Variants in FAM135A observed in about 807,000 individuals in gnomAD.
The protein encoded by FAM135A is family with sequence similarity 135 member A.
In FAM135A, 79 loss-of-function variants were observed where a neutral mutation model predicts 146.8. The observed-to-expected ratio is 0.54, with a 90% CI of 0.45 to 0.65. The LOEUF is 0.65. FAM135A is among the 30% of genes least tolerant of loss of function. The probability of loss-of-function intolerance (pLI) is 0.00; values close to 1 mark genes in which losing one functional copy is unlikely to be tolerated. For missense variants in FAM135A, 1,623 were observed against 1,758.2 expected, an observed-to-expected ratio of 0.92 and a Z score of 1.38; for synonymous variants, 562 against 603.6, an observed-to-expected ratio of 0.93 and a Z score of 1.01.
chr6:70,533,191 T>C lies in FAM135A; in HGVS notation c.3807T>C (p.Thr1269=). The change falls in exon 17 of 22, where the codon ACT becomes ACC. Residue 1269 remains threonine (T), a synonymous_variant. Transcript: ENST00000418814. The part of the protein sequence containing the change: ...GNSADLRLVK[T]YIELGLPGGR... ...GTGCAGATCTCCGATTAGTAAAAAC[T>C]TACATTGAACTTGGATTGCCTGGGG... The C allele has an allele frequency of 6.2e-7, 1 of 1,613,094 alleles. No individual in the cohort carries two copies. The highest frequency in any genetic ancestry group is 8.5e-7 in the Non-Finnish European group (1 of 1,179,522).
At chr6:70,523,450 A>C (rs1233986962) in intron 13 of FAM135A, among the ~76,000 whole-genome samples, 1 of 152,142 alleles carries the variant, frequency 6.6e-6, no homozygotes, top group Non-Finnish European at 1.5e-5. Flanking sequence ...GATTTGTTTG[A>C]AATTTTCCAT....
Position 70,524,601 on chromosome 6 carries a change from C to G in FAM135A, c.1517C>G (p.Thr506Arg). The G allele has an allele frequency of 6.5e-7, 1 of 1,541,812 alleles. No individual in the cohort carries two copies. The highest frequency in any genetic ancestry group is 8.7e-7 in the Non-Finnish European group (1 of 1,144,498). The change falls in exon 15 of 22, where the codon ACA (threonine) becomes AGA (arginine). Residue 506 changes from threonine to arginine, a missense_variant. Around this residue, in one of 7 missense-constraint regions of FAM135A, gnomAD observed 1,061 missense variants for 1,113.8 expected, o/e 0.95. Coordinates refer to ENST00000418814, the MANE Select transcript of FAM135A (RefSeq NM_001162529.3). The part of the protein sequence containing the change: ...KLMKTMKSEN[T>R]KKLIKQNSKD... The stretch of plus-strand genomic sequence containing the variant: ...ATGAAAACAATGAAATCTGAAAACA[C>G]AAAAAAATTAATAAAACAGAACTCT...
chr6:70,533,494 G>A (rs189828382), intron 17 of FAM135A, among the ~76,000 whole-genome samples: 4 of 152,024 alleles, frequency 2.6e-5, no homozygotes, highest in African/African-American at 9.6e-5. Context: ...TTAAACCATT[G>A]TAAACATCTT....
intron 11 of FAM135A, among the ~76,000 whole-genome samples, chr6:70,495,804 C>T (rs1341615786): frequency 6.6e-6 from 1 of 152,098 alleles, no homozygotes; most frequent in Non-Finnish European, 1.5e-5. Flanking sequence ...CACCCCCTGA[C>T]AGGCCCTGGT....
chr6:70,436,633 G>A (rs16869221), intron 4 of FAM135A, among the ~76,000 whole-genome samples: 7,034 of 152,214 alleles, frequency 0.046, 357 homozygotes, highest in African/African-American at 0.11. Context: ...AAACAGTTGT[G>A]AAAATCATAA....
chr6:70,484,097 C>T (rs17713105), intron 10 of FAM135A, among the ~76,000 whole-genome samples: 19,838 of 152,164 alleles, frequency 0.13, 1,537 homozygotes, highest in Middle Eastern at 0.19. Flanking sequence ...TTAATGAGCA[C>T]CTCCTGTGTC....
At chr6:70,452,456 T>C (rs537609415) in intron 4 of FAM135A, 36 bp from the exon 5 acceptor site, 2 of 1,492,334 alleles carry the variant, frequency 1.3e-6, no homozygotes, top group African/African-American at 1.4e-5. Context: ...TTTTTAAATA[T>C]GTTTTGAAAT....
At chr6:70,552,802 G>A (rs1487409315) in intron 20 of FAM135A, among the ~76,000 whole-genome samples, 2 of 151,794 alleles carry the variant, frequency 1.3e-5, no homozygotes, top group Non-Finnish European at 2.9e-5. Flanking sequence ...AAAAGGGTAG[G>A]GAGAGAGAGA....
chr6:70,520,071 T>G (rs1406110966), intron 12 of FAM135A, among the ~76,000 whole-genome samples: 3 of 152,152 alleles, frequency 2.0e-5, no homozygotes, highest in African/African-American at 7.2e-5. Flanking sequence ...ATAGGGGAAT[T>G]CTAGGCTTTT....
At chr6:70,467,085 A>T (rs1416304524) in intron 5 of FAM135A, among the ~76,000 whole-genome samples, 2 of 152,106 alleles carry the variant, frequency 1.3e-5, no homozygotes, top group Admixed American at 6.5e-5. Context: ...TAAATAGTTA[A>T]CTTGTTGAGA....
In FAM135A at chr6:70,502,744, C is replaced by T; in HGVS notation, c.982C>T (p.His328Tyr). ...WGQFLEVITL[H>Y]EELRILLAQE... is the part of the protein sequence containing the mutation. ...ACAGTTTCTGGAAGTTATAACGCTA[C>T]ACGAAGAACTAAGAATATTATTAGC... Residue 328 changes from histidine (H) to tyrosine (Y), a missense_variant, in exon 12 of 22, where the codon CAC becomes TAC. By Grantham distance (83) the His-to-Tyr change is moderately conservative (BLOSUM62 2). Around this residue, in one of 7 missense-constraint regions of FAM135A, gnomAD observed 206 missense variants for 194.7 expected, o/e 1.06. Transcript: ENST00000418814. 3 of 1,612,784 alleles carry T rather than the reference C, an allele frequency of 1.9e-6. No homozygotes were observed. Among genetic ancestry groups the T allele is most frequent in the Non-Finnish European group, 2.5e-6 (3 of 1,179,256 alleles).
intron 5 of FAM135A, among the ~76,000 whole-genome samples, chr6:70,463,391 C>A (rs1168298898): frequency 6.7e-6 from 1 of 150,038 alleles, no homozygotes; most frequent in Non-Finnish European, 1.5e-5. Context: ...GCTGGGACTA[C>A]AGGCGCATGC....
chr6:70,480,265 A>G (rs2128176474), intron 8 of FAM135A, among the ~76,000 whole-genome samples: 1 of 152,246 alleles, frequency 6.6e-6, no homozygotes. Flanking sequence ...TGAGGCCAGG[A>G]GTTTGAGACT....
At chr6:70,547,385 A>G (rs1799041806) in intron 20 of FAM135A, among the ~76,000 whole-genome samples, 1 of 152,234 alleles carries the variant, frequency 6.6e-6, no homozygotes, top group South Asian at 2.1e-4. Context: ...TGTTAAGAAT[A>G]TGTTTTAAAA....
At chr6:70,547,683 G>A (rs978766901) in intron 20 of FAM135A, among the ~76,000 whole-genome samples, 1 of 152,172 alleles carries the variant, frequency 6.6e-6, no homozygotes, top group African/African-American at 2.4e-5. Context: ...TTAAAACTCT[G>A]AAGTTTTAGA....
intron 10 of FAM135A, among the ~76,000 whole-genome samples, chr6:70,489,902 GC>G (rs1468725536): frequency 1.3e-5 from 2 of 152,082 alleles, no homozygotes; most frequent in Non-Finnish European, 2.9e-5. Context: ...CAACCACAAG[GC>G]CAGGTATAAC....
At chr6:70,541,777 G>A (rs1797973702) in intron 20 of FAM135A, among the ~76,000 whole-genome samples, 1 of 152,168 alleles carries the variant, frequency 6.6e-6, no homozygotes, top group Admixed American at 6.6e-5. Context: ...TTTTCAGACA[G>A]TGCATCTGTC....
At chr6:70,417,471 C>A (rs959028980) in intron 2 of FAM135A, 6 of 389,872 alleles carry the variant, frequency 1.5e-5, no homozygotes, top group Non-Finnish European at 2.1e-5. Context: ...CCTCAGCCAC[C>A]CAAAGTGCTG....
intron 9 of FAM135A, 104 bp downstream of exon 9, chr6:70,481,131 C>T: frequency 1.8e-6 from 2 of 1,095,658 alleles, no homozygotes; most frequent in Non-Finnish European, 2.5e-6. Flanking sequence ...TATTTCAGCT[C>T]AGCAACTTAT....
Sources: gnomAD v4.1 joint callset for allele counts (sites outside exome capture counted in the v4.1 genomes callset) on GRCh38, gnomAD v4.1.1 for gene constraint, gnomAD v4.1.1 regional missense constraint, MANE v1.5 for transcripts, NCBI Gene and HGNC (gene_info 2026-07-23, HGNC 2026-07-21) for gene names.